DERL1: variants seen among roughly 807,000 people sequenced by gnomAD.
DERL1 encodes the protein derlin 1.
Under a neutral mutation model 41.6 loss-of-function variants are expected in DERL1, and 24 were observed. The observed-to-expected ratio is 0.58, with a 90% CI of 0.42 to 0.81. DERL1 has a LOEUF of 0.81. Ranked by LOEUF, DERL1 falls within the 30% of genes least tolerant of loss-of-function variation. The pLI is 0.00. For synonymous variants in DERL1, 124 were observed against 112.5 expected, an observed-to-expected ratio of 1.10 and a Z score of -0.65; for missense variants, 260 against 314.3, an observed-to-expected ratio of 0.83 and a Z score of 1.31.
Position 123,015,245 on chromosome 8 carries a change from G to T in DERL1, c.*202C>A. 1.5e-6 allele frequency: 1 copy of T among 679,544 alleles called. No homozygotes were observed. The highest frequency in any genetic ancestry group is 2.3e-6 in the Non-Finnish European group (1 of 441,000). 42.1% of individuals were successfully genotyped at this position (679,544 alleles called of 1,614,324 possible). On this transcript the variant is annotated 3_prime_UTR_variant, in exon 8 of 8. Transcript: ENST00000259512. ...GCACAGTTGGTATTTGTTCTTCACA[G>T]CAGTAAGGACTTGAATGAGAATCGT...
At chr8:123,020,173 T>C (rs1814722769) in intron 6 of DERL1, among the ~76,000 whole-genome samples, 1 of 152,162 alleles carries the variant, frequency 6.6e-6, no homozygotes, top group South Asian at 2.1e-4. Context: ...TAAAAGTAGT[T>C]TGTAGTATAA....
At chr8:123,039,772 T>C (rs1366665441) in intron 1 of DERL1, among the ~76,000 whole-genome samples, 1 of 152,206 alleles carries the variant, frequency 6.6e-6, no homozygotes, top group African/African-American at 2.4e-5. Context: ...AAGTGCCCAA[T>C]TACTTCCAAC....
At chr8:123,041,021 G>A (rs564758737) in intron 1 of DERL1, among the ~76,000 whole-genome samples, 1 of 152,276 alleles carries the variant, frequency 6.6e-6, no homozygotes, top group South Asian at 2.1e-4. Flanking sequence ...TAGAAAGTAT[G>A]TAAAGCCCTG....
chr8:123,023,606 A>C, intron 4 of DERL1, 107 bp downstream of exon 4: 1 of 1,000,168 alleles, frequency 1.0e-6, no homozygotes, highest in Non-Finnish European at 1.5e-6. Context: ...TCAAAATACC[A>C]CATAATTAAC....
chr8:123,029,412 C>T (rs1387466369), intron 2 of DERL1, among the ~76,000 whole-genome samples: 3 of 152,076 alleles, frequency 2.0e-5, no homozygotes, highest in Non-Finnish European at 4.4e-5. Flanking sequence ...AAAGCAAATG[C>T]CAATTTAAGG....
At chr8:123,034,665 C>T (rs1057335781) in intron 1 of DERL1, among the ~76,000 whole-genome samples, 5 of 152,142 alleles carry the variant, frequency 3.3e-5, no homozygotes, top group African/African-American at 4.8e-5. Flanking sequence ...TCACAAATGG[C>T]GTCAGTATTA....
intron 7 of DERL1, chr8:123,017,247 T>A (rs2130452820): frequency 6.6e-6 from 1 of 152,304 alleles, no homozygotes; most frequent in African/African-American, 2.4e-5. Flanking sequence ...GAAAAGCAGT[T>A]ATACCTTCCT....
At chr8:123,025,225 C>T (rs1033355279) in intron 2 of DERL1, among the ~76,000 whole-genome samples, 175 bp from the exon 3 acceptor site, 6 of 152,176 alleles carry the variant, frequency 3.9e-5, no homozygotes, top group African/African-American at 1.4e-4. Flanking sequence ...CCCAATAAAG[C>T]CCTGAATCAA....
Position 123,014,303 on chromosome 8 carries a change from G to C in DERL1, c.*1144C>G, listed in dbSNP as rs1481077071. ...ACCCTCAAACCCAAATGATTCTAAA[G>C]CCATTTCAACCTTAAATCATGTTAT... On this transcript the variant is annotated 3_prime_UTR_variant, in exon 8 of 8. Transcript: ENST00000259512. The C allele has an allele frequency of 6.6e-6, 1 of 152,610 alleles. No individual in the cohort carries two copies. Among genetic ancestry groups the C allele is most frequent in the Non-Finnish European group, 1.5e-5 (1 of 68,048 alleles). The allele number at this position is 152,610 out of a possible 1,614,324, so 9.5% of individuals were successfully genotyped here.
In DERL1 at chr8:123,031,392, A is replaced by G. The variant is rs541228971; in HGVS notation, c.154-676T>C. Among the ~76,000 whole-genome samples the G allele has an allele frequency of 3.4e-4, 52 of 152,122 alleles. No homozygotes were observed. The East Asian group carries it at 9.7e-3, about 28-fold the overall frequency. On this transcript the variant is annotated intron_variant, in intron 1 of 7. Transcript: ENST00000259512. ...AAACCCTGTCTCCAATAAAATTACA[A>G]AAATTAGCCAGGTGAGGTGGCGGGG... is the stretch of plus-strand genomic sequence containing the variant.
At chr8:123,019,402 C>A (rs1356445494) in intron 6 of DERL1, 97 bp from the exon 7 acceptor site, 2 of 819,528 alleles carry the variant, frequency 2.4e-6, no homozygotes, top group East Asian at 5.3e-5. Flanking sequence ...CAAGGCAGCC[C>A]ATTTAGTCCC....
intron 5 of DERL1, 84 bp downstream of exon 5, chr8:123,022,600 A>G: frequency 2.2e-6 from 3 of 1,335,834 alleles, no homozygotes; most frequent in Non-Finnish European, 3.2e-6. Flanking sequence ...CCCCTTCTGG[A>G]TGAGTCAGAA....
At chr8:123,032,193 G>A (rs565396901) in intron 1 of DERL1, among the ~76,000 whole-genome samples, 1 of 148,872 alleles carries the variant, frequency 6.7e-6, no homozygotes, top group South Asian at 2.1e-4. Context: ...GGAGTGCAGT[G>A]GCATGATCCT....
At chr8:123,038,311 A>G (rs1207159168) in intron 1 of DERL1, among the ~76,000 whole-genome samples, 1 of 152,200 alleles carries the variant, frequency 6.6e-6, no homozygotes, top group East Asian at 1.9e-4. Context: ...GCAGCCTCTC[A>G]AATGCAGTTT....
At chr8:123,019,124 G>A in intron 7 of DERL1, 71 bp downstream of exon 7, 7 of 1,059,790 alleles carry the variant, frequency 6.6e-6, no homozygotes, top group Non-Finnish European at 1.0e-5. Context: ...TACTCCTCAT[G>A]GAGCTCTCAT....
At chr8:123,021,571 A>C in intron 5 of DERL1, 72 bp from the exon 6 acceptor site, 1 of 1,390,428 alleles carries the variant, frequency 7.2e-7, no homozygotes, top group East Asian at 2.3e-5. Context: ...CGGGGACTAA[A>C]GTGGGTAAGG....
intron 2 of DERL1, among the ~76,000 whole-genome samples, chr8:123,030,060 AAAAT>A (rs1554595884): frequency 6.6e-6 from 1 of 151,834 alleles, no homozygotes; most frequent in African/African-American, 2.4e-5. Context: ...ATTGTCTCAA[AAAAT>A]AAATAAATAA....
chr8:123,028,228 A>G (rs7006544), intron 2 of DERL1, among the ~76,000 whole-genome samples: 93,030 of 152,026 alleles, frequency 0.61, 29,073 homozygotes, highest in South Asian at 0.71. Flanking sequence ...GGAGGACAGC[A>G]ATAGATATAA....
intron 1 of DERL1, among the ~76,000 whole-genome samples, chr8:123,034,742 T>C (rs549356056): frequency 6.6e-6 from 1 of 152,318 alleles, no homozygotes; most frequent in Non-Finnish European, 1.5e-5. Context: ...TGAAATAGAC[T>C]CAGAGTAAAC....
Sources: allele counts gnomAD v4.1 joint callset (sites outside exome capture counted in the v4.1 genomes callset), GRCh38; gene constraint gnomAD v4.1.1; transcripts MANE v1.5; gene names NCBI Gene and HGNC (gene_info 2026-07-23, HGNC 2026-07-21).